PLCG2: variants seen among roughly 807,000 people sequenced by gnomAD.
The protein encoded by PLCG2 is phospholipase C gamma 2, also known as 1-phosphatidylinositol 4,5-bisphosphate phosphodiesterase gamma-2.
A neutral mutation model predicts 175.6 loss-of-function variants in PLCG2; 69 were observed. The ratio of observed to expected loss-of-function variants is 0.39; its 90% confidence interval spans 0.32 to 0.48. The LOEUF (loss-of-function observed/expected upper bound fraction) is 0.48. Among genes scored for constraint, PLCG2 ranks in the 20% least tolerant of loss-of-function variants. The pLI, the probability that PLCG2 is intolerant of heterozygous loss-of-function variation, is 0.91. For synonymous variants in PLCG2, 827 were observed against 624.0 expected (o/e 1.33, Z -4.85); for missense variants, 1,798 against 1,650.9 (o/e 1.09, Z -1.54).
intron 1 of PLCG2, among the ~76,000 whole-genome samples, chr16:81,781,705 C>G (rs11866777): frequency 0.013 from 1,992 of 152,172 alleles, 44 homozygotes; most frequent in African/African-American, 0.044. Flanking sequence ...TTGGAGGGGC[C>G]CTTACCACTC....
chr16:81,918,951 G>T (rs1909952534), intron 19 of PLCG2, among the ~76,000 whole-genome samples: 2 of 151,946 alleles, frequency 1.3e-5, no homozygotes, highest in Admixed American at 1.3e-4. Flanking sequence ...CCGAAGACAA[G>T]ATTTAATAAT....
rs542147498 is a variant in PLCG2 at position 81,950,016 on chromosome 16, A to AGAAAT, written c.3570+3754_3570+3758dup. Among the ~76,000 whole-genome samples the AGAAAT allele has an allele frequency of 1.1e-3, 173 of 152,324 alleles. 4 individuals are homozygous for AGAAAT. In the South Asian group the frequency reaches 0.016, roughly 14 times the overall value. Reference sequence around the variant, plus strand: ...CACTGTCAGAATTGAAAAACAGACAAGAAATAAGGAGGAAAAAAGGAGATC... The same window carrying AGAAAT: ...CACTGTCAGAATTGAAAAACAGACAAGAAATGAAATAAGGAGGAAAAAAGGAGATC... On this transcript the variant is annotated intron_variant, in intron 31 of 32. Coordinates refer to ENST00000564138, the MANE Select transcript of PLCG2 (RefSeq NM_002661.5).
intron 2 of PLCG2, among the ~76,000 whole-genome samples, chr16:81,790,395 C>T (rs1056866715): frequency 2.6e-4 from 39 of 152,174 alleles, no homozygotes; most frequent in Admixed American, 2.0e-3. Flanking sequence ...ACAGGGAAAG[C>T]CAATTATGTG....
At chr16:81,792,245 G>A (rs1237460006) in intron 2 of PLCG2, among the ~76,000 whole-genome samples, 1 of 151,898 alleles carries the variant, frequency 6.6e-6, no homozygotes, top group Non-Finnish European at 1.5e-5. Context: ...ACTTTGGGAG[G>A]CCAAGGCAAA....
chr16:81,911,989 G>A (rs537041231), intron 18 of PLCG2, among the ~76,000 whole-genome samples: 3 of 151,952 alleles, frequency 2.0e-5, no homozygotes, highest in Non-Finnish European at 4.4e-5. Context: ...AGTAGAGACA[G>A]GGTTTCACCG....
At chr16:81,850,713 T>G (rs888749516) in intron 2 of PLCG2, among the ~76,000 whole-genome samples, 1 of 152,174 alleles carries the variant, frequency 6.6e-6, no homozygotes, top group African/African-American at 2.4e-5. Flanking sequence ...AGCGGGGAAC[T>G]TCTGGCACCT....
intron 2 of PLCG2, among the ~76,000 whole-genome samples, chr16:81,773,896 C>G (rs1431762256): frequency 6.6e-6 from 1 of 152,122 alleles, no homozygotes; most frequent in Non-Finnish European, 1.5e-5. Context: ...TCCAACTACA[C>G]TCTGTGCCCA....
intron 21 of PLCG2, among the ~76,000 whole-genome samples, chr16:81,922,104 C>G (rs1910084953): frequency 6.6e-6 from 1 of 152,124 alleles, no homozygotes; most frequent in Non-Finnish European, 1.5e-5. Context: ...ACCCTTGAAG[C>G]AGGATACGCA....
intron 9 of PLCG2, 167 bp downstream of exon 9, chr16:81,883,508 A>G (rs1416546359): frequency 3.2e-6 from 2 of 618,536 alleles, no homozygotes; most frequent in African/African-American, 1.8e-5. Flanking sequence ...GCCAGATGCC[A>G]GAGACTTCAG....
Position 81,895,924 on chromosome 16 carries a change from C to T in PLCG2, c.1190C>T (p.Ser397Leu). ...QAIKDHAFVT[S>L]SFPVILSIEE... ...ATCAAAGACCACGCCTTTGTTACCT[C>T]GAGGTCAGTTGGCTGATTTCTGGGT... Residue 397 changes from serine to leucine, a missense_variant, in exon 13 of 33, where the codon TCG becomes TTG. Ser to Leu is a moderately radical substitution (Grantham distance 145). Coordinates refer to ENST00000564138, the MANE Select transcript of PLCG2 (RefSeq NM_002661.5). 3 of 1,613,994 alleles carry T rather than the reference C, an allele frequency of 1.9e-6. No individual in the cohort carries two copies. Among genetic ancestry groups the T allele is most frequent in the Non-Finnish European group, 2.5e-6 (3 of 1,179,982 alleles).
Position 81,760,757 on chromosome 16 carries a change from A to AT in PLCG2, c.-48+4791_-48+4792insT, listed in dbSNP as rs1555562065. Among the ~76,000 whole-genome samples, 576 of 146,400 alleles carry AT rather than the reference A, an allele frequency of 3.9e-3. 1 individual carries two copies. Among genetic ancestry groups the AT allele is most frequent in the African/African-American group, 0.013 (531 of 40,152 alleles). Reference sequence around the variant, plus strand: ...GAGACCCCGTCTCTATTAAAAAAAAAAATAATAATAATAATAATAATAATT... The same window carrying AT: ...GAGACCCCGTCTCTATTAAAAAAAAATAATAATAATAATAATAATAATAATT... On this transcript the variant is annotated intron_variant, in intron 2 of 5. Transcript: ENST00000565054.
intron 1 of PLCG2, among the ~76,000 whole-genome samples, chr16:81,750,971 CTTTTTTTTTT>C (rs34518159): frequency 2.4e-5 from 1 of 41,732 alleles, no homozygotes; most frequent in Non-Finnish European, 4.5e-5. Context: ...CCGCACCCAG[CTTTTTTTTTT>C]TTTTTTTTTT....
intron 2 of PLCG2, among the ~76,000 whole-genome samples, chr16:81,814,619 C>T (rs903257458): frequency 4.0e-5 from 6 of 151,830 alleles, no homozygotes; most frequent in East Asian, 1.9e-4. Context: ...CACTTGAACC[C>T]GGGAGGTGGA....
chr16:81,883,593 G>C, intron 9 of PLCG2: 1 of 539,208 alleles, frequency 1.9e-6, no homozygotes, highest in East Asian at 3.2e-5. Context: ...CACACATTGA[G>C]GATGAGAAGA....
chr16:81,855,087 G>A lies in PLCG2; in HGVS notation c.337+500G>A, dbSNP rs1156977236. Among the ~76,000 whole-genome samples the A allele has an allele frequency of 4.0e-5, 6 of 151,458 alleles. No homozygotes were observed. In the East Asian group the frequency reaches 1.2e-3, roughly 29 times the overall value. ...TAGCTGGGTGTGGTGGTGCGCACCT[G>A]TAGTCACAGCTATTTGAAAGGCTGA... On this transcript the variant is annotated intron_variant, in intron 3 of 32. Transcript: ENST00000564138.
At position 81,895,797 on chromosome 16, in the gene PLCG2, C is replaced by T; in HGVS notation, c.1073-10C>T. 6.2e-7 allele frequency: 1 copy of T among 1,614,032 alleles called. No individual in the cohort carries two copies. Among genetic ancestry groups the T allele is most frequent in the Non-Finnish European group, 8.5e-7 (1 of 1,179,972 alleles). The stretch of plus-strand genomic sequence containing the variant: ...ACGTGGTATTGAGGCTGCCGCGTTT[C>T]TCCCTGTAGTGGACTGCTGGGACGG... On this transcript the variant is annotated splice_polypyrimidine_tract_variant and intron_variant, in intron 12 of 32. Coordinates refer to ENST00000564138, the MANE Select transcript of PLCG2 (RefSeq NM_002661.5).
At chr16:81,805,704 T>G (rs1180012830) in intron 2 of PLCG2, among the ~76,000 whole-genome samples, 1 of 149,910 alleles carries the variant, frequency 6.7e-6, no homozygotes, top group Non-Finnish European at 1.5e-5. Context: ...TCTGGACCAC[T>G]GCTGTGCAAT....
At chr16:81,753,117 T>G (rs1264112221) in intron 1 of PLCG2, among the ~76,000 whole-genome samples, 1 of 152,170 alleles carries the variant, frequency 6.6e-6, no homozygotes, top group Non-Finnish European at 1.5e-5. Context: ...CAGTGGCAGC[T>G]CAGCTCTGCT....
chr16:81,769,469 C>G (rs941933795), intron 2 of PLCG2, among the ~76,000 whole-genome samples: 1 of 152,162 alleles, frequency 6.6e-6, no homozygotes, highest in East Asian at 1.9e-4. Flanking sequence ...TTCTAAGGCC[C>G]CCCAGGAGAG....
Sources: gnomAD v4.1 joint callset for allele counts (sites outside exome capture counted in the v4.1 genomes callset) on GRCh38, gnomAD v4.1.1 for gene constraint, MANE v1.5 for transcripts, NCBI Gene and HGNC (gene_info 2026-07-23, HGNC 2026-07-21) for gene names.